XPO4: variants seen among roughly 807,000 people sequenced by gnomAD.
XPO4 encodes exportin 4, also known as exportin-4.
In XPO4, 39 loss-of-function variants were observed where a neutral mutation model predicts 143.0. The observed-to-expected ratio is 0.27, with a 90% CI of 0.21 to 0.36. XPO4 has a LOEUF of 0.36. Among genes scored for constraint, XPO4 ranks in the 10% least tolerant of loss-of-function variants. The pLI is 1.00. For synonymous variants in XPO4, 439 were observed against 474.0 expected, an observed-to-expected ratio of 0.93 and a Z score of 0.96; for missense variants, 907 against 1,348.0, an observed-to-expected ratio of 0.67 and a Z score of 5.12.
chr13:20,828,445 AATT>A (rs1297675438), intron 6 of XPO4, among the ~76,000 whole-genome samples: 1 of 152,186 alleles, frequency 6.6e-6, no homozygotes, highest in Non-Finnish European at 1.5e-5. Context: ...TTTACAGAAA[AATT>A]ATTATTCACA....
intron 6 of XPO4, among the ~76,000 whole-genome samples, chr13:20,832,713 A>G (rs1297742869): frequency 6.6e-6 from 1 of 152,196 alleles, no homozygotes; most frequent in East Asian, 1.9e-4. Context: ...ACAGCACAGA[A>G]CCAACAACCC....
intron 4 of XPO4, among the ~76,000 whole-genome samples, chr13:20,854,581 A>T (rs1282732370): frequency 6.6e-6 from 1 of 152,268 alleles, no homozygotes; most frequent in East Asian, 1.9e-4. Flanking sequence ...ATACTTAAAG[A>T]TGTAATAATA....
intron 6 of XPO4, among the ~76,000 whole-genome samples, chr13:20,833,503 TA>T (rs1425002710): frequency 3.3e-5 from 5 of 152,260 alleles, no homozygotes; most frequent in Non-Finnish European, 5.9e-5. Context: ...CAATACCATG[TA>T]AGTGCTATGT....
intron 22 of XPO4, 42 bp from the exon 23 acceptor site, chr13:20,783,961 TATC>T (rs1241749455): frequency 1.3e-6 from 2 of 1,590,714 alleles, no homozygotes; most frequent in Admixed American, 3.3e-5. Flanking sequence ...CTCCTTAGAA[TATC>T]ATACAAGTAG....
chr13:20,872,261 C>T (rs191940293), intron 1 of XPO4, among the ~76,000 whole-genome samples: 1 of 152,356 alleles, frequency 6.6e-6, no homozygotes, highest in East Asian at 1.9e-4. Context: ...CTGCTTCCGT[C>T]TCTGCTTCCT....
rs186016294 is a variant in XPO4, at chr13:20,838,698, T to C, written c.727+4197A>G. The stretch of plus-strand genomic sequence containing the variant: ...GTGCAGTGGTGTGATGATAGATCAC[T>C]GCAACTTCAAACTCCTGGCCTCAAG... On this transcript the variant is annotated intron_variant, in intron 6 of 22. Coordinates refer to ENST00000255305, the MANE Select transcript of XPO4 (RefSeq NM_022459.5). Among the ~76,000 whole-genome samples, 4 of 151,582 alleles carry C rather than the reference T, an allele frequency of 2.6e-5. No homozygotes were observed. In the East Asian group the frequency reaches 7.8e-4, roughly 29 times the overall value.
At chr13:20,895,960 T>C (rs188720576) in intron 1 of XPO4, among the ~76,000 whole-genome samples, 356 of 152,352 alleles carry the variant, frequency 2.3e-3, no homozygotes, top group African/African-American at 7.6e-3. Context: ...ACATTCTTTG[T>C]GTATAAGCAA....
chr13:20,812,001 C>T (rs951121312), intron 9 of XPO4, among the ~76,000 whole-genome samples: 2 of 152,120 alleles, frequency 1.3e-5, no homozygotes, highest in East Asian at 1.9e-4. Flanking sequence ...ATTAGGGCAT[C>T]GTCAGCACAC....
intron 4 of XPO4, chr13:20,848,524 G>T (rs554371475): frequency 1.0e-6 from 1 of 985,272 alleles, no homozygotes; most frequent in East Asian, 1.1e-4. Flanking sequence ...AGTAGCAGCT[G>T]TATTTTTTAT....
intron 3 of XPO4, among the ~76,000 whole-genome samples, chr13:20,859,055 G>A (rs2060171655): frequency 6.6e-6 from 1 of 151,774 alleles, no homozygotes; most frequent in South Asian, 2.1e-4. Context: ...ATTTGGGCCA[G>A]GTACGGTGGT....
At chr13:20,798,200 G>T (rs1488479237) in intron 16 of XPO4, among the ~76,000 whole-genome samples, 1 of 152,148 alleles carries the variant, frequency 6.6e-6, no homozygotes, top group East Asian at 1.9e-4. Context: ...GGTCATACCG[G>T]AATAGGGTGG....
chr13:20,791,179 G>A (rs2059275777), intron 18 of XPO4, among the ~76,000 whole-genome samples: 1 of 151,648 alleles, frequency 6.6e-6, no homozygotes, highest in Admixed American at 6.6e-5. Context: ...CTAAACAAAC[G>A]TTTATCAAAG....
intron 6 of XPO4, among the ~76,000 whole-genome samples, chr13:20,838,967 A>G (rs921732183): frequency 1.3e-5 from 2 of 152,164 alleles, no homozygotes; most frequent in African/African-American, 2.4e-5. Flanking sequence ...ACATTATGCT[A>G]AGTGAAAGAA....
chr13:20,886,519 G>A (rs1356722003), intron 1 of XPO4, among the ~76,000 whole-genome samples: 1 of 152,068 alleles, frequency 6.6e-6, no homozygotes, highest in African/African-American at 2.4e-5. Flanking sequence ...GGCTGAGGCA[G>A]GAGAATCCCT....
At chr13:20,892,823 G>A (rs907330661) in intron 1 of XPO4, among the ~76,000 whole-genome samples, 9 of 151,724 alleles carry the variant, frequency 5.9e-5, no homozygotes, top group African/African-American at 2.2e-4. Flanking sequence ...GTTTGAGGCT[G>A]CAGTGAGTCA....
chr13:20,795,360 C>A (rs1017065588), intron 18 of XPO4, among the ~76,000 whole-genome samples: 2 of 152,196 alleles, frequency 1.3e-5, no homozygotes, highest in African/African-American at 4.8e-5. Flanking sequence ...CAGCAACTAT[C>A]TTTTACCTAC....
At chr13:20,830,341 A>G (rs2059837443) in intron 6 of XPO4, among the ~76,000 whole-genome samples, 1 of 152,218 alleles carries the variant, frequency 6.6e-6, no homozygotes, top group East Asian at 1.9e-4. Flanking sequence ...AAACCTGGAA[A>G]GGATTTTTAT....
intron 1 of XPO4, among the ~76,000 whole-genome samples, chr13:20,898,273 A>G (rs2060587762): frequency 6.6e-6 from 1 of 152,208 alleles, no homozygotes; most frequent in Non-Finnish European, 1.5e-5. Context: ...GTTTAAAAAC[A>G]AATGTATGGG....
intron 18 of XPO4, 61 bp downstream of exon 18, chr13:20,796,015 C>A (rs1174123796): frequency 4.1e-6 from 6 of 1,469,990 alleles, no homozygotes; most frequent in African/African-American, 1.4e-5. Context: ...GAAAACAATC[C>A]TTTGATTTAA....
Sources: allele counts gnomAD v4.1 joint callset (sites outside exome capture counted in the v4.1 genomes callset), GRCh38; gene constraint gnomAD v4.1.1; transcripts MANE v1.5; gene names NCBI Gene and HGNC (gene_info 2026-07-23, HGNC 2026-07-21).